The following ASIC4 variants were observed in gnomAD, a reference collection of about 807,000 sequenced individuals.
ASIC4 encodes acid-sensing ion channel 4.
In ASIC4, 28 loss-of-function variants were observed where a neutral mutation model predicts 53.4. The observed-to-expected ratio is 0.52, with a 90% CI of 0.39 to 0.72. ASIC4 has a LOEUF of 0.72. Ranked by LOEUF, ASIC4 falls within the 30% of genes least tolerant of loss-of-function variation. ASIC4 has a pLI of 0.00. For synonymous variants in ASIC4, 289 were observed against 301.4 expected (o/e 0.96, Z 0.43); for missense variants, 649 against 729.7 (o/e 0.89, Z 1.27).
At chr2:219,527,007 C>CT (rs1169930560) in intron 1 of ASIC4, among the ~76,000 whole-genome samples, 1 of 152,230 alleles carries the variant, frequency 6.6e-6, no homozygotes, top group Non-Finnish European at 1.5e-5. Context: ...CGACCTTCCC[C>CT]TTTCCGTGAC....
At chr2:219,534,696 A>C (rs1695098271) in intron 5 of ASIC4, among the ~76,000 whole-genome samples, 1 of 152,158 alleles carries the variant, frequency 6.6e-6, no homozygotes, top group Admixed American at 6.5e-5. Context: ...AAAGCCCAGC[A>C]CATTGATCCT....
chr2:219,530,004 C>T (rs1695015926), intron 1 of ASIC4, among the ~76,000 whole-genome samples: 2 of 152,144 alleles, frequency 1.3e-5, no homozygotes, highest in Non-Finnish European at 1.5e-5. Context: ...CCCAGCCTCT[C>T]TCCCTTCTGC....
Position 219,514,973 on chromosome 2 carries a change from C to T in ASIC4, c.249C>T (p.Tyr83=). 3 of 1,613,258 alleles carry T rather than the reference C, an allele frequency of 1.9e-6. No individual in the cohort carries two copies. The highest frequency in any genetic ancestry group is 2.5e-6 in the Non-Finnish European group (3 of 1,179,848). ...ALLTSLAAFL[Y]QAAGLARGYL... Reference sequence around the variant, plus strand: ...TCACCTCGCTGGCTGCCTTCCTGTACCAGGCGGCTGGCCTGGCCCGGGGCT... The same window carrying T: ...TCACCTCGCTGGCTGCCTTCCTGTATCAGGCGGCTGGCCTGGCCCGGGGCT... Residue 83 remains tyrosine (Y), a synonymous_variant, in exon 1 of 10, where the codon TAC becomes TAT. Coordinates refer to ENST00000358078, the MANE Select transcript of ASIC4 (RefSeq NM_018674.6).
At position 219,537,844 on chromosome 2, in the gene ASIC4, C is replaced by A. The variant is rs146222240; in HGVS notation, c.1507-89C>A. On this transcript the variant is annotated intron_variant, in intron 9 of 9. Transcript: ENST00000358078. The surrounding 1 kb of genome is among the most constrained non-coding windows in gnomAD (Gnocchi z 4.9). The stretch of plus-strand genomic sequence containing the variant: ...TGGAGGGGGCCCTGGAGCCTCTGCC[C>A]GAGGTGACAAGGAAAGGCTGGCGGT... 80 of 1,490,884 alleles carry A rather than the reference C, an allele frequency of 5.4e-5. No individual in the cohort carries two copies. The highest frequency in any genetic ancestry group is 2.4e-4 in the East Asian group (10 of 41,416). The allele number at this position is 1,490,884 out of a possible 1,614,324, so 92.4% of individuals were successfully genotyped here.
At chr2:219,535,843 GC>G (rs530613024) in intron 6 of ASIC4, among the ~76,000 whole-genome samples, 2 of 150,294 alleles carry the variant, frequency 1.3e-5, no homozygotes, top group Non-Finnish European at 3.0e-5. Context: ...CACAATCTTG[GC>G]TCACTGCAAC....
chr2:219,538,340 C>A lies in ASIC4; in HGVS notation c.*294C>A, dbSNP rs962635253. 5.3e-6 allele frequency: 1 copy of A among 188,086 alleles called. No individual in the cohort carries two copies. The highest frequency in any genetic ancestry group is 3.0e-5 in the African/African-American group (1 of 33,392). The allele number at this position is 188,086 out of a possible 1,614,324, so 11.7% of individuals were successfully genotyped here. On this transcript the variant is annotated 3_prime_UTR_variant, in exon 10 of 10. Transcript: ENST00000358078. ...GGGGGAGGATAGAGCCCATCCCAGC[C>A]GGGGAGGGGGAGCCCTCTGTACATT... is the stretch of plus-strand genomic sequence containing the variant.
In ASIC4 at chr2:219,514,919, G is replaced by A. The variant is rs149193238; in HGVS notation, c.195G>A (p.Leu65=). 1 of 1,613,010 alleles carries A rather than the reference G, an allele frequency of 6.2e-7. No individual in the cohort carries two copies. The highest frequency in any genetic ancestry group is 1.7e-4 in the Middle Eastern group (1 of 6,060). The change falls in exon 1 of 10, where the codon CTG becomes CTA. Residue 65 remains leucine, a synonymous_variant. Transcript: ENST00000358078. ...CCTGTGGCCCAGGCCCCCACGGACTGCGCAGAACCCTGTGGGCACTGGCCC... is the reference window on the plus strand; with the variant it reads ...CCTGTGGCCCAGGCCCCCACGGACTACGCAGAACCCTGTGGGCACTGGCCC... The part of the protein sequence containing the change: ...GRACGPGPHG[L]RRTLWALALL...
intron 1 of ASIC4, among the ~76,000 whole-genome samples, chr2:219,530,907 T>C (rs1037530596): frequency 1.2e-4 from 19 of 152,090 alleles, no homozygotes; most frequent in Admixed American, 2.6e-4. Flanking sequence ...AGTGGTTTCA[T>C]TGGATCTGAG....
upstream of ASIC4, among the ~76,000 whole-genome samples, chr2:219,510,938 G>A (rs1006136825): frequency 6.6e-6 from 1 of 151,606 alleles, no homozygotes; most frequent in Non-Finnish European, 1.5e-5. This position sits in a 1 kb window ranked among gnomAD's most constrained non-coding sequence, Gnocchi z 5.2. Context: ...CCCGCCCCTC[G>A]GCCCCTGCAC....
Position 219,532,324 on chromosome 2 carries a change from C to T in ASIC4, c.865C>T (p.Leu289=), listed in dbSNP as rs776452320. ...TGCCCCACCTCTGCAGCTGACCTAC[C>T]TGCCCCAGCCCTGGGGCAACTGCCG... ...VSCQEQRLTY[L]PQPWGNCRAE... is the part of the protein sequence containing the mutation. The change falls in exon 4 of 10, where the codon CTG becomes TTG. Residue 289 remains leucine (L), a synonymous_variant. Transcript: ENST00000358078. The T allele has an allele frequency of 1.2e-5, 19 of 1,610,320 alleles. No individual in the cohort carries two copies. The highest frequency in any genetic ancestry group is 1.4e-5 in the Non-Finnish European group (17 of 1,176,896).
At chr2:219,526,786 T>C (rs529649284) in intron 1 of ASIC4, among the ~76,000 whole-genome samples, 2 of 152,250 alleles carry the variant, frequency 1.3e-5, no homozygotes, top group Middle Eastern at 3.4e-3. Context: ...GACATAGTCC[T>C]GTCTAGGAGC....
At chr2:219,515,914 A>G (rs953750943) in intron 1 of ASIC4, among the ~76,000 whole-genome samples, 3 of 151,900 alleles carry the variant, frequency 2.0e-5, no homozygotes, top group African/African-American at 7.3e-5. Flanking sequence ...TCCCTCTTTC[A>G]TTCTGCCCTC....
At position 219,537,906 on chromosome 2, in the gene ASIC4, C is replaced by G; in HGVS notation, c.1507-27C>G. The G allele has an allele frequency of 6.4e-7, 1 of 1,566,020 alleles. No individual in the cohort carries two copies. On this transcript the variant is annotated intron_variant, in intron 9 of 9. Coordinates refer to ENST00000358078, the MANE Select transcript of ASIC4 (RefSeq NM_018674.6). The surrounding 1 kb of genome is among the most constrained non-coding windows in gnomAD (Gnocchi z 4.9). Reference sequence around the variant, plus strand: ...GGGCACCACTTGAGCTCTCCCGGTCCCACTCTCTCTTTTCTTTCTCCTGCA... The same window carrying G: ...GGGCACCACTTGAGCTCTCCCGGTCGCACTCTCTCTTTTCTTTCTCCTGCA...
chr2:219,528,664 T>G (rs1261762885), intron 1 of ASIC4, among the ~76,000 whole-genome samples: 1 of 152,138 alleles, frequency 6.6e-6, no homozygotes, highest in Non-Finnish European at 1.5e-5. Context: ...CTCAGCCTCC[T>G]GAGTAGCTGG....
At chr2:219,515,491 C>A (rs1300216628) in intron 1 of ASIC4, among the ~76,000 whole-genome samples, 185 bp downstream of exon 1, 1 of 152,260 alleles carries the variant, frequency 6.6e-6, no homozygotes, top group Non-Finnish European at 1.5e-5. Flanking sequence ...GGAGCAGTGG[C>A]CGCTCATAGG....
chr2:219,533,208 A>C (rs1435265489), intron 5 of ASIC4: 2 of 551,856 alleles, frequency 3.6e-6, no homozygotes, highest in Non-Finnish European at 6.5e-6. Flanking sequence ...ATCTTGGTTC[A>C]GCCAATGAGC....
intron 1 of ASIC4, among the ~76,000 whole-genome samples, chr2:219,520,985 T>C (rs970708794): frequency 2.3e-4 from 35 of 152,322 alleles, no homozygotes; most frequent in Non-Finnish European, 1.8e-4. Flanking sequence ...GAACAGTAAC[T>C]GATTTAAAAA....
chr2:219,537,131 C>G lies in ASIC4; in HGVS notation c.1295C>G (p.Ala432Gly). The part of the protein sequence containing the change: ...ALTSEAMEQR[A>G]AYGLSALLGD... ...ACCTCTGAAGCCATGGAGCAGCGAG[C>G]AGCCTATGGCCTGTCAGCCCTGCTG... The change falls in exon 7 of 10, where the codon GCA becomes GGA. Residue 432 changes from alanine to glycine, a missense_variant. By Grantham distance (60) the Ala-to-Gly change is moderately conservative. Coordinates refer to ENST00000358078, the MANE Select transcript of ASIC4 (RefSeq NM_018674.6). The surrounding 1 kb of genome is among the most constrained non-coding windows in gnomAD (Gnocchi z 4.9). The G allele has an allele frequency of 6.2e-7, 1 of 1,614,122 alleles. No individual in the cohort carries two copies. Among genetic ancestry groups the G allele is most frequent in the Non-Finnish European group, 8.5e-7 (1 of 1,179,990 alleles).
At chr2:219,510,316 T>G (rs1694685091), upstream of ASIC4, among the ~76,000 whole-genome samples, 1 of 150,872 alleles carries the variant, frequency 6.6e-6, no homozygotes, top group Non-Finnish European at 1.5e-5. The surrounding 1 kb of genome is among the most constrained non-coding windows in gnomAD (Gnocchi z 5.2). Context: ...CTCCCCCTCC[T>G]TCCTCAGCTC....
Sources: gnomAD v4.1 joint callset for allele counts (sites outside exome capture counted in the v4.1 genomes callset) on GRCh38, gnomAD v4.1.1 for gene constraint, Gnocchi (gnomAD v3.1) non-coding constraint, MANE v1.5 for transcripts, NCBI Gene and HGNC (gene_info 2026-07-23, HGNC 2026-07-21) for gene names.